The following SYT1 variants were observed in gnomAD, a reference collection of about 807,000 sequenced individuals.
SYT1 encodes synaptotagmin 1.
A neutral mutation model predicts 44.8 loss-of-function variants in SYT1; 8 were observed. That is an observed-to-expected ratio of 0.18 (90% CI 0.10 to 0.32). The LOEUF is 0.32. SYT1 is among the 10% of genes least tolerant of loss of function. SYT1 has a pLI of 1.00. For synonymous variants in SYT1, 154 were observed against 188.8 expected, an observed-to-expected ratio of 0.82 and a Z score of 1.51; for missense variants, 286 against 509.3, an observed-to-expected ratio of 0.56 and a Z score of 4.22.
At chr12:79,134,607 A>C (rs1869062324) in intron 3 of SYT1, among the ~76,000 whole-genome samples, 3 of 152,238 alleles carry the variant, frequency 2.0e-5, no homozygotes, top group African/African-American at 7.2e-5. Context: ...ATAGTATGTT[A>C]CTTGGTTAAT....
intron 8 of SYT1, among the ~76,000 whole-genome samples, chr12:79,322,916 AC>A (rs554568059): frequency 1.3e-5 from 2 of 152,192 alleles, no homozygotes; most frequent in Non-Finnish European, 2.9e-5. Context: ...ATCTGAAAGA[AC>A]CAACTTCTTT....
At chr12:79,269,121 T>C (rs900901431) in intron 4 of SYT1, among the ~76,000 whole-genome samples, 6 of 151,856 alleles carry the variant, frequency 4.0e-5, no homozygotes, top group Non-Finnish European at 5.9e-5. Flanking sequence ...TATCAATAAA[T>C]TTATTGAATG....
At chr12:78,979,417 A>T (rs1869084129) in intron 2 of SYT1, among the ~76,000 whole-genome samples, 1 of 152,134 alleles carries the variant, frequency 6.6e-6, no homozygotes, top group Non-Finnish European at 1.5e-5. Flanking sequence ...GCCAGACTTA[A>T]GTCAGAATCT....
At chr12:79,164,287 G>T (rs934792159) in intron 3 of SYT1, among the ~76,000 whole-genome samples, 1 of 152,034 alleles carries the variant, frequency 6.6e-6, no homozygotes, top group Non-Finnish European at 1.5e-5. Flanking sequence ...AGAGAATTTA[G>T]TGGGCATCTT....
intron 3 of SYT1, among the ~76,000 whole-genome samples, chr12:79,063,524 G>A (rs140051400): frequency 1.2e-4 from 18 of 152,186 alleles, no homozygotes; most frequent in African/African-American, 3.9e-4. Context: ...CTGTCCCTAT[G>A]TCTGCTTGTA....
chr12:79,321,342 A>G (rs1417601685), intron 8 of SYT1, among the ~76,000 whole-genome samples: 2 of 152,220 alleles, frequency 1.3e-5, no homozygotes, highest in Non-Finnish European at 2.9e-5. Flanking sequence ...AGTTCAGGAA[A>G]TGTTCAAGAA....
intron 9 of SYT1, among the ~76,000 whole-genome samples, chr12:79,416,906 G>A (rs1026987367): frequency 1.3e-5 from 2 of 152,074 alleles, no homozygotes; most frequent in African/African-American, 4.8e-5. Context: ...TTTTTGGCCA[G>A]TAAGAAAACT....
intron 1 of SYT1, among the ~76,000 whole-genome samples, chr12:78,927,643 T>C (rs1592569356): frequency 6.6e-6 from 1 of 152,158 alleles, no homozygotes; most frequent in African/African-American, 2.4e-5. Flanking sequence ...TTATTTTCCT[T>C]CTTTAGATGA....
chr12:78,870,472 A>C, intron 1 of SYT1, among the ~76,000 whole-genome samples: 1 of 152,138 alleles, frequency 6.6e-6, no homozygotes, highest in Non-Finnish European at 1.5e-5. Context: ...GTGATAGATA[A>C]ATGTTTTCTT....
intron 9 of SYT1, among the ~76,000 whole-genome samples, chr12:79,424,953 C>CTTTTTTTTT (rs398040025): frequency 1.4e-4 from 12 of 85,250 alleles, no homozygotes; most frequent in Admixed American, 2.6e-4. Flanking sequence ...TTTTCTTCTT[C>CTTTTTTTTT]TTTTTTTTTT....
intron 3 of SYT1, among the ~76,000 whole-genome samples, chr12:79,191,689 G>T (rs78538089): frequency 6.6e-6 from 1 of 152,020 alleles, no homozygotes; most frequent in Non-Finnish European, 1.5e-5. Flanking sequence ...AAAATGCATG[G>T]TTAGTTGTTT....
chr12:79,273,300 AG>A (rs1878535401), intron 4 of SYT1, among the ~76,000 whole-genome samples: 2 of 151,756 alleles, frequency 1.3e-5, no homozygotes, highest in South Asian at 4.2e-4. Flanking sequence ...TATTTTTTGT[AG>A]AGCTAAGGTC....
At chr12:79,437,949 A>G (rs1870187024) in intron 9 of SYT1, among the ~76,000 whole-genome samples, 1 of 152,208 alleles carries the variant, frequency 6.6e-6, no homozygotes, top group Non-Finnish European at 1.5e-5. Context: ...AGAATAAAGG[A>G]GGATCATCTC....
At chr12:79,128,038 G>T (rs1022334625) in intron 3 of SYT1, among the ~76,000 whole-genome samples, 2 of 152,132 alleles carry the variant, frequency 1.3e-5, no homozygotes, top group African/African-American at 4.8e-5. Flanking sequence ...TGGGTGGATG[G>T]ACACAGAGAT....
At chr12:78,934,256 T>G (rs992475137) in intron 1 of SYT1, among the ~76,000 whole-genome samples, 1 of 151,804 alleles carries the variant, frequency 6.6e-6, no homozygotes. Flanking sequence ...CCGTCATGTG[T>G]CAAGGACAGG....
intron 1 of SYT1, among the ~76,000 whole-genome samples, chr12:78,939,384 A>G (rs1878234265): frequency 6.6e-6 from 1 of 152,192 alleles, no homozygotes. Flanking sequence ...TAAAAGACAA[A>G]TGCTATCTGA....
intron 1 of SYT1, among the ~76,000 whole-genome samples, chr12:78,874,450 G>A (rs927266960): frequency 6.6e-6 from 1 of 151,558 alleles, no homozygotes; most frequent in Non-Finnish European, 1.5e-5. Context: ...ATGAAACTTA[G>A]AGAGCTGGAT....
chr12:79,400,232 C>G (rs1056162660), intron 9 of SYT1, among the ~76,000 whole-genome samples: 1 of 152,074 alleles, frequency 6.6e-6, no homozygotes, highest in African/African-American at 2.4e-5. Flanking sequence ...AAAGTAGGTA[C>G]TAGGACCCAT....
intron 9 of SYT1, among the ~76,000 whole-genome samples, chr12:79,381,924 A>C (rs1884238845): frequency 1.3e-5 from 2 of 152,118 alleles, no homozygotes; most frequent in African/African-American, 4.8e-5. Context: ...CTTGCCTCAG[A>C]GGGGCGTCTA....
Sources: allele counts gnomAD v4.1 joint callset (sites outside exome capture counted in the v4.1 genomes callset), GRCh38; gene constraint gnomAD v4.1.1; transcripts MANE v1.5; gene names NCBI Gene and HGNC (gene_info 2026-07-23, HGNC 2026-07-21).